Variants in SNTG1 observed in about 807,000 individuals in gnomAD.
SNTG1 encodes the protein syntrophin gamma 1, also known as gamma-1-syntrophin.
A neutral mutation model predicts 74.7 loss-of-function variants in SNTG1; 39 were observed. That is an observed-to-expected ratio of 0.52 (90% CI 0.40 to 0.68). The LOEUF is 0.68. Ranked by LOEUF, SNTG1 falls within the 30% of genes least tolerant of loss-of-function variation. The probability of loss-of-function intolerance (pLI) is 0.00; values close to 1 mark genes in which losing one functional copy is unlikely to be tolerated. For synonymous variants in SNTG1, 254 were observed against 217.1 expected (o/e 1.17, Z -1.49); for missense variants, 685 against 609.5 (o/e 1.12, Z -1.30).
intron 18 of SNTG1, among the ~76,000 whole-genome samples, chr8:50,784,335 A>T (rs189998950): frequency 6.6e-6 from 1 of 152,326 alleles, no homozygotes; most frequent in African/African-American, 2.4e-5. Context: ...GGTTGCAAAT[A>T]AAAGGATACA....
intron 11 of SNTG1, among the ~76,000 whole-genome samples, chr8:50,550,693 G>GTA (rs368844404): frequency 0.13 from 19,545 of 149,000 alleles, 1,356 homozygotes; most frequent in Middle Eastern, 0.21. Context: ...TAGTGTGTGT[G>GTA]TATATATATA....
chr8:50,416,463 A>G (rs2093015184), intron 4 of SNTG1, among the ~76,000 whole-genome samples: 1 of 152,202 alleles, frequency 6.6e-6, no homozygotes, highest in African/African-American at 2.4e-5. Context: ...ACTTAAGAGC[A>G]TAAATTTTGA....
chr8:50,282,721 G>C (rs972404587), intron 2 of SNTG1, among the ~76,000 whole-genome samples: 1 of 151,986 alleles, frequency 6.6e-6, no homozygotes, highest in Non-Finnish European at 1.5e-5. Context: ...AGCTGAGATC[G>C]TGCCACTGCA....
chr8:50,217,967 T>A (rs2084876596), intron 2 of SNTG1, among the ~76,000 whole-genome samples: 1 of 152,302 alleles, frequency 6.6e-6, no homozygotes, highest in South Asian at 2.1e-4. Flanking sequence ...GTTGTTAAGT[T>A]CTGCTCTGTG....
chr8:50,297,956 G>C (rs963070634), intron 2 of SNTG1, among the ~76,000 whole-genome samples: 1 of 147,128 alleles, frequency 6.8e-6, no homozygotes, highest in African/African-American at 2.5e-5. Context: ...GTAAAATATT[G>C]TTTTTGTTGT....
At chr8:50,475,207 C>G (rs966311101) in intron 8 of SNTG1, among the ~76,000 whole-genome samples, 5 of 149,906 alleles carry the variant, frequency 3.3e-5, no homozygotes, top group Admixed American at 6.6e-5. Context: ...TGCATATGTA[C>G]CCTAAAACTT....
chr8:49,911,871 T>C lies in SNTG1; in HGVS notation c.-463T>C, dbSNP rs967116. ...ATTACCCCCTCGCCTCCCGGCCCCC[T>C]TCCTTAATGGATGAAAAGTACCCCT... On this transcript the variant is annotated 5_prime_UTR_variant, in exon 1 of 19. Transcript: ENST00000642720. The C allele has an allele frequency of 0.13, 20,060 of 152,310 alleles. 1,497 individuals are homozygous for C. Among genetic ancestry groups the C allele is most frequent in the Middle Eastern group, 0.2 (60 of 296 alleles). 9.4% of individuals were successfully genotyped at this position (152,310 alleles called of 1,614,324 possible). A position where few individuals can be genotyped will look rare whatever the true frequency, so the allele number is the denominator to read the frequency against.
chr8:50,556,705 A>G (rs2094457522), intron 12 of SNTG1, among the ~76,000 whole-genome samples: 1 of 152,212 alleles, frequency 6.6e-6, no homozygotes, highest in Non-Finnish European at 1.5e-5. Context: ...GATATGAATC[A>G]TCAGACTTTG....
At chr8:50,702,818 C>G (rs2095430689) in intron 15 of SNTG1, among the ~76,000 whole-genome samples, 1 of 152,078 alleles carries the variant, frequency 6.6e-6, no homozygotes, top group Non-Finnish European at 1.5e-5. Flanking sequence ...AGGTTACACA[C>G]CTGTATAGCA....
At chr8:50,622,223 AC>A (rs1241504852) in intron 13 of SNTG1, among the ~76,000 whole-genome samples, 1 of 152,216 alleles carries the variant, frequency 6.6e-6, no homozygotes. Flanking sequence ...AATGTGGTTC[AC>A]CAGGGTATCC....
At position 50,145,987 on chromosome 8, in the gene SNTG1, T is replaced by A. The variant is rs749825276; in HGVS notation, c.-102-26574T>A. 2.1e-4 allele frequency among the ~76,000 whole-genome samples: 32 copies of A among 150,498 alleles called. 1 individual carries two copies. The highest frequency in any genetic ancestry group is 3.5e-4 in the Non-Finnish European group (24 of 67,676). ...ATAATAATAATAAAAAAAAAAAGAA[T>A]GTTAGGTGGAAACTTGTAGAAATAT... On this transcript the variant is annotated intron_variant, in intron 1 of 18. Transcript: ENST00000642720.
chr8:50,105,628 A>G (rs1285164580), intron 1 of SNTG1, among the ~76,000 whole-genome samples: 2 of 151,996 alleles, frequency 1.3e-5, no homozygotes, highest in African/African-American at 2.4e-5. Context: ...TTTGTGCAGT[A>G]TGGCCATTTT....
intron 15 of SNTG1, among the ~76,000 whole-genome samples, chr8:50,669,136 G>A (rs2095265414): frequency 6.6e-6 from 1 of 151,936 alleles, no homozygotes. Flanking sequence ...AACTAGAAAA[G>A]CGAGAGCAAA....
At chr8:50,535,414 T>C (rs1400941750) in intron 10 of SNTG1, among the ~76,000 whole-genome samples, 1 of 152,112 alleles carries the variant, frequency 6.6e-6, no homozygotes, top group Non-Finnish European at 1.5e-5. Flanking sequence ...ATGCCGATCA[T>C]CCATAACATC....
At chr8:50,341,395 T>G (rs1353424480) in intron 2 of SNTG1, among the ~76,000 whole-genome samples, 1 of 151,924 alleles carries the variant, frequency 6.6e-6, no homozygotes, top group Non-Finnish European at 1.5e-5. Context: ...GATTTCAAAT[T>G]TAATGAATAT....
intron 13 of SNTG1, 133 bp downstream of exon 13, chr8:50,591,050 C>T: frequency 1.9e-6 from 1 of 517,414 alleles, no homozygotes; most frequent in Non-Finnish European, 3.3e-6. Flanking sequence ...GAGAAACATA[C>T]ATTTCAGATA....
chr8:50,006,211 T>A (rs1438551311), intron 1 of SNTG1, among the ~76,000 whole-genome samples: 2 of 152,284 alleles, frequency 1.3e-5, no homozygotes, highest in East Asian at 3.9e-4. Context: ...TCCACCGGCC[T>A]CAGCCTCCCA....
At chr8:50,312,261 C>G (rs1321605553) in intron 2 of SNTG1, among the ~76,000 whole-genome samples, 1 of 151,902 alleles carries the variant, frequency 6.6e-6, no homozygotes, top group Non-Finnish European at 1.5e-5. Context: ...GCTTTTAGTT[C>G]CCCCCATCTA....
intron 4 of SNTG1, 77 bp downstream of exon 4, chr8:50,402,421 T>A (rs1322220291): frequency 6.7e-7 from 1 of 1,482,696 alleles, no homozygotes; most frequent in Non-Finnish European, 9.1e-7. Flanking sequence ...CAGGGCATTT[T>A]AAATATGTTT....
Sources: allele counts gnomAD v4.1 joint callset (sites outside exome capture counted in the v4.1 genomes callset), GRCh38; gene constraint gnomAD v4.1.1; transcripts MANE v1.5; gene names NCBI Gene and HGNC (gene_info 2026-07-23, HGNC 2026-07-21).